ITPR1: variants seen among roughly 807,000 people sequenced by gnomAD.
The protein encoded by ITPR1 is inositol 1,4,5-trisphosphate receptor type 1, also known as inositol 1,4,5-trisphosphate-gated calcium channel ITPR1.
ITPR1 carries 96 observed loss-of-function variants against 318.4 expected under a neutral mutation model. The ratio of observed to expected loss-of-function variants is 0.30; its 90% confidence interval spans 0.26 to 0.36. The LOEUF is 0.36. Ranked by LOEUF, ITPR1 falls within the 10% of genes least tolerant of loss-of-function variation. The probability of loss-of-function intolerance (pLI) is 1.00; values close to 1 mark genes in which losing one functional copy is unlikely to be tolerated. For synonymous variants in ITPR1, 1,312 were observed against 1,289.9 expected (o/e 1.02, Z -0.37); for missense variants, 2,440 against 3,460.2 (o/e 0.71, Z 7.40).
chr3:4,819,302 A>C (rs1281902723), intron 60 of ITPR1, among the ~76,000 whole-genome samples: 1 of 152,202 alleles, frequency 6.6e-6, no homozygotes, highest in Non-Finnish European at 1.5e-5. Flanking sequence ...GGCTTTCTGG[A>C]GATTCTGTGC....
chr3:4,694,057 G>A (rs534982428), intron 33 of ITPR1, among the ~76,000 whole-genome samples: 23 of 152,234 alleles, frequency 1.5e-4, no homozygotes, highest in Middle Eastern at 3.4e-3. Context: ...GAAATGTGAC[G>A]AAGAGTAGGT....
At chr3:4,845,050 G>A (rs973447380) in intron 61 of ITPR1, among the ~76,000 whole-genome samples, 5 of 152,108 alleles carry the variant, frequency 3.3e-5, no homozygotes, top group Non-Finnish European at 7.3e-5. Context: ...GTATAACCTC[G>A]CAATTCTCCA....
intron 40 of ITPR1, among the ~76,000 whole-genome samples, chr3:4,723,811 G>A (rs1367088773): frequency 6.6e-6 from 1 of 152,082 alleles, no homozygotes; most frequent in Non-Finnish European, 1.5e-5. Context: ...GCTGTAGTGG[G>A]AGGGTTTCCC....
At chr3:4,732,682 C>G (rs1362079468) in intron 42 of ITPR1, among the ~76,000 whole-genome samples, 2 of 152,022 alleles carry the variant, frequency 1.3e-5, no homozygotes, top group Non-Finnish European at 2.9e-5. Context: ...AATATTTTTT[C>G]GGACCTTGGG....
At position 4,735,312 on chromosome 3, in the gene ITPR1, C is replaced by G. The variant is rs775288535; in HGVS notation, c.5502C>G (p.Leu1834=). The G allele has an allele frequency of 1.2e-6, 2 of 1,613,948 alleles. No individual in the cohort carries two copies. Among genetic ancestry groups the G allele is most frequent in the Non-Finnish European group, 8.5e-7 (1 of 1,179,862 alleles). ...ACCGAGTGTTCCATGAAAGCATTCT[C>G]CTGGCCATTGCCCTTCTGGAAGGAG... is the stretch of plus-strand genomic sequence containing the variant. ...SSDRVFHESI[L]LAIALLEGGN... is the part of the protein sequence containing the mutation. Residue 1834 remains leucine, a synonymous_variant, in exon 44 of 62, where the codon CTC becomes CTG. Transcript: ENST00000649015.
At chr3:4,605,759 G>A (rs562752101) in intron 4 of ITPR1, among the ~76,000 whole-genome samples, 99 of 152,254 alleles carry the variant, frequency 6.5e-4, no homozygotes, top group African/African-American at 2.3e-3. Context: ...ATGACCATGA[G>A]TGCCCAGCTT....
At chr3:4,842,953 G>A (rs1050954684) in intron 61 of ITPR1, among the ~76,000 whole-genome samples, 1 of 151,970 alleles carries the variant, frequency 6.6e-6, no homozygotes, top group African/African-American at 2.4e-5. Flanking sequence ...AAGAAGAATT[G>A]AACTAATAAA....
intron 56 of ITPR1, 86 bp from the exon 57 acceptor site, chr3:4,813,056 T>C: frequency 2.1e-6 from 2 of 942,372 alleles, no homozygotes; most frequent in Non-Finnish European, 3.5e-6. Context: ...TAAAGAATTG[T>C]TTAATCAGCC....
chr3:4,684,676 A>T (rs1286024099), intron 29 of ITPR1, among the ~76,000 whole-genome samples: 6 of 152,236 alleles, frequency 3.9e-5, no homozygotes, highest in African/African-American at 1.4e-4. Context: ...TGCCTGGTAC[A>T]CAGTGTCCCC....
chr3:4,622,502 C>A (rs1440087900), intron 4 of ITPR1, among the ~76,000 whole-genome samples: 3 of 151,686 alleles, frequency 2.0e-5, no homozygotes, highest in Non-Finnish European at 2.9e-5. Context: ...CAGGTCACTG[C>A]AACCTCCGCC....
chr3:4,807,589 G>A (rs530402116), intron 55 of ITPR1, among the ~76,000 whole-genome samples: 24 of 152,100 alleles, frequency 1.6e-4, no homozygotes, highest in Non-Finnish European at 3.2e-4. Context: ...TCCTTCCCCC[G>A]TCCAAAACAC....
At chr3:4,618,434 G>T (rs775765085) in intron 4 of ITPR1, among the ~76,000 whole-genome samples, 1 of 152,126 alleles carries the variant, frequency 6.6e-6, no homozygotes, top group Non-Finnish European at 1.5e-5. Flanking sequence ...ACACTTCTCT[G>T]TTCCTCCTCC....
chr3:4,740,744 A>G (rs1255286753), intron 44 of ITPR1, among the ~76,000 whole-genome samples: 1 of 152,180 alleles, frequency 6.6e-6, no homozygotes, highest in Non-Finnish European at 1.5e-5. Context: ...GGCTGCCATC[A>G]GAGCAGGCTT....
chr3:4,522,147 G>A (rs1204253329), intron 4 of ITPR1, among the ~76,000 whole-genome samples: 1 of 152,118 alleles, frequency 6.6e-6, no homozygotes, highest in Non-Finnish European at 1.5e-5. Context: ...CCATTGTAGA[G>A]CTTAGGGATC....
At chr3:4,622,616 G>A (rs1259487437) in intron 4 of ITPR1, among the ~76,000 whole-genome samples, 1 of 151,666 alleles carries the variant, frequency 6.6e-6, no homozygotes, top group Non-Finnish European at 1.5e-5. Context: ...TAGACACGGG[G>A]TTTCACCATG....
Position 4,645,720 on chromosome 3 carries a change from G to C in ITPR1, c.847G>C (p.Glu283Gln). 1 of 1,612,790 alleles carries C rather than the reference G, an allele frequency of 6.2e-7. No homozygotes were observed. Among genetic ancestry groups the C allele is most frequent in the Non-Finnish European group, 8.5e-7 (1 of 1,179,702 alleles). ...TGCCACCAGTTCAAAAGCCCTGTGG[G>C]AGGTGGAGGTAAGGGTAGGGTGGAG... ...TSATSSKALW[E>Q]VEVVQHDPCR... is the part of the protein sequence containing the mutation. Residue 283 changes from glutamate to glutamine, a missense_variant, in exon 10 of 62, where the codon GAG becomes CAG. Glu to Gln is a conservative substitution (Grantham distance 29). This residue lies in a region of ITPR1 where 32 missense variants were observed against 62.7 expected (regional missense o/e 0.51). Coordinates refer to ENST00000649015, the MANE Select transcript of ITPR1 (RefSeq NM_001378452.1).
intron 4 of ITPR1, among the ~76,000 whole-genome samples, chr3:4,588,791 A>T (rs929921761): frequency 2.0e-5 from 3 of 151,946 alleles, no homozygotes; most frequent in Non-Finnish European, 4.4e-5. Flanking sequence ...AACCTGTTCC[A>T]TCCCTGGTCT....
chr3:4,676,508 A>G (rs894224177), intron 23 of ITPR1, 106 bp from the exon 24 acceptor site: 3 of 757,750 alleles, frequency 4.0e-6, no homozygotes, highest in Non-Finnish European at 2.1e-6. Context: ...ATGTTGGAAT[A>G]GGGATATGTT....
intron 2 of ITPR1, among the ~76,000 whole-genome samples, chr3:4,509,746 A>G (rs1472349402): frequency 6.6e-6 from 1 of 152,202 alleles, no homozygotes; most frequent in Non-Finnish European, 1.5e-5. Flanking sequence ...GCAGTGAGCT[A>G]TGATTGCACC....
Sources: gnomAD v4.1 joint callset for allele counts (sites outside exome capture counted in the v4.1 genomes callset) on GRCh38, gnomAD v4.1.1 for gene constraint, gnomAD v4.1.1 regional missense constraint, MANE v1.5 for transcripts, NCBI Gene and HGNC (gene_info 2026-07-23, HGNC 2026-07-21) for gene names.